The following KYNU variants were observed in gnomAD, a reference collection of about 807,000 sequenced individuals.
KYNU encodes L-kynurenine hydrolase.
Under a neutral mutation model 59.2 loss-of-function variants are expected in KYNU, and 54 were observed. That is an observed-to-expected ratio of 0.91 (90% CI 0.73 to 1.14). The LOEUF (loss-of-function observed/expected upper bound fraction) is 1.14. Among genes scored for constraint, KYNU ranks in the 50% most tolerant of loss-of-function variants. The probability of loss-of-function intolerance (pLI) is 0.00; values close to 1 mark genes in which losing one functional copy is unlikely to be tolerated. For missense variants in KYNU, 567 were observed against 554.4 expected (o/e 1.02, Z -0.23); for synonymous variants, 177 against 192.0 (o/e 0.92, Z 0.65).
Position 143,045,029 on chromosome 2 carries a change from C to G in KYNU, c.*2857C>G, listed in dbSNP as rs1179253943. On this transcript the variant is annotated 3_prime_UTR_variant, in exon 14 of 14. Coordinates refer to ENST00000264170, the MANE Select transcript of KYNU (RefSeq NM_003937.3). The stretch of plus-strand genomic sequence containing the variant: ...TTTGTATAAGATATAAGAAAGGGGT[C>G]CAGTTTCAGTTTTCTGCATATGGCT... 1 of 151,544 alleles carries G rather than the reference C, an allele frequency of 6.6e-6. No individual in the cohort carries two copies. The highest frequency in any genetic ancestry group is 1.9e-4 in the East Asian group (1 of 5,172). 9.4% of individuals were successfully genotyped at this position (151,544 alleles called of 1,614,324 possible).
chr2:143,051,116 T>C lies in KYNU; in HGVS notation c.*8944T>C, dbSNP rs1229158709. ...GGAGGTCATTGTGAAGTAGTGGATG[T>C]AAATAGATCTGATGTGGTTTTGGTT... On this transcript the variant is annotated 3_prime_UTR_variant, in exon 14 of 14. Transcript: ENST00000264170. 6.6e-6 allele frequency: 1 copy of C among 152,220 alleles called. No individual in the cohort carries two copies. The highest frequency in any genetic ancestry group is 1.5e-5 in the Non-Finnish European group (1 of 68,022). The allele number at this position is 152,220 out of a possible 1,614,324, so 9.4% of individuals were successfully genotyped here.
chr2:142,947,431 C>G (rs1683828910), intron 4 of KYNU: 1 of 511,148 alleles, frequency 2.0e-6, no homozygotes, highest in South Asian at 3.1e-5. Context: ...ACAGCGCTTC[C>G]CTGGATATTG....
At chr2:142,966,230 A>G (rs990295598) in intron 8 of KYNU, among the ~76,000 whole-genome samples, 6 of 152,184 alleles carry the variant, frequency 3.9e-5, no homozygotes, top group African/African-American at 1.4e-4. Flanking sequence ...ACAGTCACAA[A>G]TGTCTTCACA....
rs1037265394 is a variant in KYNU at position 143,051,826 on chromosome 2, T to C, written c.*9654T>C. The C allele has an allele frequency of 2.0e-5, 3 of 152,260 alleles. No homozygotes were observed. Among genetic ancestry groups the C allele is most frequent in the Admixed American group, 1.3e-4 (2 of 15,272 alleles). 9.4% of individuals were successfully genotyped at this position (152,260 alleles called of 1,614,324 possible). A position where few individuals can be genotyped will look rare whatever the true frequency, so the allele number is the denominator to read the frequency against. On this transcript the variant is annotated 3_prime_UTR_variant, in exon 14 of 14. Transcript: ENST00000264170. ...CCTGAAAACTGACTAATATAGTAAG[T>C]TGGCACCAGTAGAGAGGGGCACTGC...
chr2:142,960,530 T>G, intron 7 of KYNU, 94 bp from the exon 8 acceptor site: 1 of 1,179,028 alleles, frequency 8.5e-7, no homozygotes, highest in Non-Finnish European at 1.2e-6. Context: ...TATTTTATAA[T>G]GCAAAAGGGC....
chr2:142,939,616 A>AAAAAAAG (rs1402266200), intron 4 of KYNU, among the ~76,000 whole-genome samples: 1 of 150,510 alleles, frequency 6.6e-6, no homozygotes, highest in African/African-American at 2.4e-5. Context: ...AAAAAAAAAA[A>AAAAAAAG]AAAAAAGAAA....
At chr2:143,003,077 A>T (rs1044095699) in intron 10 of KYNU, among the ~76,000 whole-genome samples, 44 of 152,180 alleles carry the variant, frequency 2.9e-4, no homozygotes, top group Non-Finnish European at 8.8e-5. Flanking sequence ...TACTCAGCAC[A>T]GGGCCATCCA....
chr2:142,972,807 T>TAGAGAG (rs1243876239), intron 8 of KYNU, among the ~76,000 whole-genome samples: 2 of 138,340 alleles, frequency 1.4e-5, no homozygotes, highest in African/African-American at 5.4e-5. Context: ...TATATATATA[T>TAGAGAG]ATATATAGAG....
intron 8 of KYNU, among the ~76,000 whole-genome samples, chr2:142,963,045 A>G (rs1684401930): frequency 6.6e-6 from 1 of 152,232 alleles, no homozygotes; most frequent in African/African-American, 2.4e-5. Flanking sequence ...TGGTGGGAAT[A>G]CAAAATGATG....
At chr2:142,959,536 A>G (rs993161858) in intron 7 of KYNU, among the ~76,000 whole-genome samples, 22 of 152,106 alleles carry the variant, frequency 1.4e-4, no homozygotes, top group Non-Finnish European at 2.9e-4. Flanking sequence ...TGGTGAGCCA[A>G]GATCGCACCA....
intron 10 of KYNU, among the ~76,000 whole-genome samples, chr2:143,004,506 G>T (rs1292681740): frequency 2.0e-5 from 3 of 152,064 alleles, no homozygotes; most frequent in African/African-American, 4.8e-5. Flanking sequence ...AGGTCAGGTG[G>T]TCGAGACCAG....
At chr2:142,888,644 G>A (rs1433478309) in intron 2 of KYNU, among the ~76,000 whole-genome samples, 1 of 151,854 alleles carries the variant, frequency 6.6e-6, no homozygotes, top group Non-Finnish European at 1.5e-5. Flanking sequence ...TTGTTAAGGT[G>A]AGGCCCAGCC....
chr2:143,013,731 G>C (rs576183649), intron 10 of KYNU, among the ~76,000 whole-genome samples: 3 of 152,100 alleles, frequency 2.0e-5, no homozygotes, highest in African/African-American at 7.2e-5. Context: ...AAGTTCTGTT[G>C]GTTCAGCATT....
Position 143,046,539 on chromosome 2 carries a change from G to T in KYNU, c.*4367G>T, listed in dbSNP as rs1190080480. The T allele has an allele frequency of 4.2e-5, 6 of 142,276 alleles. No individual in the cohort carries two copies. The highest frequency in any genetic ancestry group is 2.1e-4 in the Admixed American group (3 of 14,606). 8.8% of individuals were successfully genotyped at this position (142,276 alleles called of 1,614,324 possible). ...ATTAATAATTCCTTCTATTTCATAAGCCAGGTTTCTATATATCTATATAAA... is the reference window on the plus strand; with the variant it reads ...ATTAATAATTCCTTCTATTTCATAATCCAGGTTTCTATATATCTATATAAA... On this transcript the variant is annotated 3_prime_UTR_variant, in exon 14 of 14. Transcript: ENST00000264170.
At chr2:142,929,346 T>C (rs905681166) in intron 4 of KYNU, among the ~76,000 whole-genome samples, 1 of 123,914 alleles carries the variant, frequency 8.1e-6, no homozygotes, top group Admixed American at 9.6e-5. Context: ...AGACAAGTGG[T>C]AATTGCCTTT....
At chr2:142,905,402 C>T (rs1326012015) in intron 2 of KYNU, among the ~76,000 whole-genome samples, 1 of 152,166 alleles carries the variant, frequency 6.6e-6, no homozygotes, top group Admixed American at 6.5e-5. Flanking sequence ...AATGAATACC[C>T]ATTGTGGTTT....
chr2:142,980,867 C>T (rs1685032639), intron 8 of KYNU, among the ~76,000 whole-genome samples: 1 of 152,012 alleles, frequency 6.6e-6, no homozygotes, highest in African/African-American at 2.4e-5. Flanking sequence ...AGAGTGTTTG[C>T]TTTCACATAT....
chr2:142,977,764 A>C (rs1012115184), intron 8 of KYNU, among the ~76,000 whole-genome samples: 1 of 152,158 alleles, frequency 6.6e-6, no homozygotes, highest in Non-Finnish European at 1.5e-5. Flanking sequence ...TACAGCATGA[A>C]CATAATATGC....
chr2:142,956,662 T>A (rs906600763), intron 6 of KYNU, among the ~76,000 whole-genome samples: 8 of 152,186 alleles, frequency 5.3e-5, no homozygotes, highest in South Asian at 2.1e-4. Context: ...AAACTTTTAT[T>A]TGTCCAGTGT....
Sources: allele counts gnomAD v4.1 joint callset (sites outside exome capture counted in the v4.1 genomes callset), GRCh38; gene constraint gnomAD v4.1.1; transcripts MANE v1.5; gene names NCBI Gene and HGNC (gene_info 2026-07-23, HGNC 2026-07-21).